The following RPS6KC1 variants were observed in gnomAD, a reference collection of about 807,000 sequenced individuals.
The protein encoded by RPS6KC1 is ribosomal protein S6 kinase C1, also known as inactive ribosomal protein S6 kinase delta-1.
In RPS6KC1, 54 loss-of-function variants were observed where a neutral mutation model predicts 103.8. The ratio of observed to expected loss-of-function variants is 0.52; its 90% confidence interval spans 0.42 to 0.65. RPS6KC1 has a LOEUF of 0.65. RPS6KC1 is among the 30% of genes least tolerant of loss of function. The probability of loss-of-function intolerance (pLI) is 0.00; values close to 1 mark genes in which losing one functional copy is unlikely to be tolerated. For missense variants in RPS6KC1, 1,151 were observed against 1,253.8 expected (o/e 0.92, Z 1.24); for synonymous variants, 439 against 438.7 (o/e 1.00, Z -0.01).
the RPS6KC1 span, among the ~76,000 whole-genome samples, chr1:213,633,572 C>A: frequency 6.6e-6 from 1 of 151,954 alleles, no homozygotes; most frequent in East Asian, 1.9e-4. Context: ...AAGGAACAAC[C>A]GGTACCAGCC....
the RPS6KC1 span, among the ~76,000 whole-genome samples, chr1:213,494,136 CG>C: frequency 6.6e-6 from 1 of 152,128 alleles, no homozygotes; most frequent in East Asian, 1.9e-4. Context: ...AGCCTGCCCC[CG>C]GCTACAGAAA....
At chr1:213,691,584 G>C in the RPS6KC1 span, among the ~76,000 whole-genome samples, 1 of 152,152 alleles carries the variant, frequency 6.6e-6, no homozygotes, top group Non-Finnish European at 1.5e-5. Flanking sequence ...TCTCAGAGAA[G>C]TGTTTCGGTC....
the RPS6KC1 span, among the ~76,000 whole-genome samples, chr1:213,312,849 T>C: frequency 6.6e-6 from 1 of 152,226 alleles, no homozygotes; most frequent in African/African-American, 2.4e-5. Flanking sequence ...AGTAATAATG[T>C]ACACAACATT....
At chr1:213,563,958 T>A in the RPS6KC1 span, among the ~76,000 whole-genome samples, 1 of 146,834 alleles carries the variant, frequency 6.8e-6, no homozygotes, top group East Asian at 2.0e-4. Context: ...TTTACCAAGT[T>A]TTTTTGCTTA....
At chr1:213,425,427 T>TA in the RPS6KC1 span, among the ~76,000 whole-genome samples, 1 of 152,164 alleles carries the variant, frequency 6.6e-6, no homozygotes, top group East Asian at 1.9e-4. Context: ...AAAAGAGAGA[T>TA]ACAATAATCT....
the RPS6KC1 span, among the ~76,000 whole-genome samples, chr1:213,409,202 G>A: frequency 6.6e-6 from 1 of 152,024 alleles, no homozygotes. Flanking sequence ...AACCAACCAA[G>A]TGCAAAGTAT....
the RPS6KC1 span, among the ~76,000 whole-genome samples, chr1:213,688,310 C>T: frequency 1.3e-5 from 2 of 152,154 alleles, no homozygotes; most frequent in African/African-American, 4.8e-5. Flanking sequence ...GGACAATCCT[C>T]AGGCTCCCAG....
chr1:213,405,015 C>T, the RPS6KC1 span, among the ~76,000 whole-genome samples: 1 of 152,196 alleles, frequency 6.6e-6, no homozygotes, highest in Non-Finnish European at 1.5e-5. Context: ...TGCGGCGTAA[C>T]CCAATCCCTC....
chr1:213,661,219 T>C, the RPS6KC1 span, among the ~76,000 whole-genome samples: 4 of 152,208 alleles, frequency 2.6e-5, no homozygotes, highest in Admixed American at 6.5e-5. Context: ...TTGATAACTA[T>C]AGGACTGACC....
the RPS6KC1 span, among the ~76,000 whole-genome samples, chr1:213,589,938 G>GGGGGGTGTGTGTGTGT: frequency 1.2e-4 from 16 of 132,732 alleles, no homozygotes; most frequent in African/African-American, 5.0e-4. Context: ...AAAAGGTAGT[G>GGGGGGTGTGTGTGTGT]GTGTGTGTGT....
chr1:213,418,839 C>T, the RPS6KC1 span, among the ~76,000 whole-genome samples: 3 of 152,178 alleles, frequency 2.0e-5, no homozygotes, highest in Non-Finnish European at 2.9e-5. Context: ...TCAGGTGAAA[C>T]AGCTTTACTT....
the RPS6KC1 span, chr1:213,817,779 G>A: frequency 3.3e-5 from 5 of 151,056 alleles, no homozygotes; most frequent in African/African-American, 4.9e-5. Flanking sequence ...TCTTTATTGC[G>A]TTTTGCAGAT....
At chr1:213,749,525 C>G in the RPS6KC1 span, among the ~76,000 whole-genome samples, 1 of 152,150 alleles carries the variant, frequency 6.6e-6, no homozygotes, top group Non-Finnish European at 1.5e-5. Context: ...GGGTCTTTAC[C>G]TACTTTCCAG....
At chr1:213,606,308 T>C in the RPS6KC1 span, among the ~76,000 whole-genome samples, 2 of 152,150 alleles carry the variant, frequency 1.3e-5, no homozygotes, top group Admixed American at 6.5e-5. Context: ...AAATGGGACA[T>C]CAAATGAGGG....
chr1:213,428,574 CCCTCCCTCCCTCCCTTCCTG>C, the RPS6KC1 span: 1 of 98,348 alleles, frequency 1.0e-5, no homozygotes, highest in African/African-American at 4.1e-5. Context: ...CTCTTTATCT[CCCTCCCTCCCTCCCTTCCTG>C]CCTCCCTCCC....
At chr1:213,707,659 G>A in the RPS6KC1 span, among the ~76,000 whole-genome samples, 1 of 152,070 alleles carries the variant, frequency 6.6e-6, no homozygotes, top group African/African-American at 2.4e-5. Context: ...TTCATCTAGG[G>A]TTTTTATCGT....
the RPS6KC1 span, among the ~76,000 whole-genome samples, chr1:213,587,352 C>T: frequency 6.6e-6 from 1 of 152,210 alleles, no homozygotes; most frequent in Non-Finnish European, 1.5e-5. Context: ...TGGCATCCAG[C>T]TTGCTGTAGC....
At chr1:213,332,646 G>C in the RPS6KC1 span, among the ~76,000 whole-genome samples, 1 of 152,144 alleles carries the variant, frequency 6.6e-6, no homozygotes, top group African/African-American at 2.4e-5. Flanking sequence ...GCTCCTCTGT[G>C]GTGGCTGTGG....
chr1:213,516,655 C>A, the RPS6KC1 span, among the ~76,000 whole-genome samples: 339 of 152,272 alleles, frequency 2.2e-3, 1 homozygote, highest in African/African-American at 7.6e-3. Context: ...AGGATTTTGG[C>A]ATCGATGTTC....
Sources: allele counts gnomAD v4.1 joint callset (sites outside exome capture counted in the v4.1 genomes callset), GRCh38; gene constraint gnomAD v4.1.1; transcripts MANE v1.5; gene names NCBI Gene and HGNC (gene_info 2026-07-23, HGNC 2026-07-21).